The following SSH2 variants were observed in gnomAD, a reference collection of about 807,000 sequenced individuals.
The protein encoded by SSH2 is protein phosphatase Slingshot homolog 2.
In SSH2, 37 loss-of-function variants were observed where a neutral mutation model predicts 135.2. The observed-to-expected ratio is 0.27, with a 90% CI of 0.21 to 0.36. The LOEUF is 0.36. Ranked by LOEUF, SSH2 falls within the 10% of genes least tolerant of loss-of-function variation. SSH2 has a pLI of 1.00. For missense variants in SSH2, 1,408 were observed against 1,765.3 expected (o/e 0.80, Z 3.63); for synonymous variants, 628 against 646.2 (o/e 0.97, Z 0.43).
intron 6 of SSH2, among the ~76,000 whole-genome samples, chr17:29,678,514 C>T (rs922632973): frequency 6.6e-6 from 1 of 151,958 alleles, no homozygotes; most frequent in African/African-American, 2.4e-5. Flanking sequence ...GTCTAAAAGG[C>T]AAAGGGAATT....
rs375395373 is a variant in SSH2 at position 29,848,208 on chromosome 17, A to C, written c.144+641T>G. 3.9e-4 allele frequency among the ~76,000 whole-genome samples: 60 copies of C among 152,310 alleles called. 1 individual carries two copies. The highest frequency in any genetic ancestry group is 1.4e-3 in the African/African-American group (59 of 41,572). On this transcript the variant is annotated intron_variant, in intron 2 of 15. Coordinates refer to ENST00000540801, the MANE Select transcript of SSH2 (RefSeq NM_001282129.2). ...GATATACTGAGAATTTCCACTGCTCATTGCAACACACAAAAATAAGTCAAT... is the reference window on the plus strand; with the variant it reads ...GATATACTGAGAATTTCCACTGCTCCTTGCAACACACAAAAATAAGTCAAT...
intron 2 of SSH2, among the ~76,000 whole-genome samples, chr17:29,848,396 G>C (rs2065484430): frequency 6.6e-6 from 1 of 152,068 alleles, no homozygotes; most frequent in African/African-American, 2.4e-5. Context: ...ACACTATTTG[G>C]CTTAACATTA....
intron 2 of SSH2, among the ~76,000 whole-genome samples, chr17:29,797,844 C>A (rs1043171185): frequency 2.0e-5 from 3 of 152,082 alleles, no homozygotes; most frequent in Admixed American, 2.0e-4. Context: ...GCTATGATCA[C>A]GCCACTGCAT....
At chr17:29,928,468 A>G in intron 1 of SSH2, 1 of 398,502 alleles carries the variant, frequency 2.5e-6, no homozygotes, top group East Asian at 3.6e-5. Context: ...CTTTGCTTGA[A>G]TATTTCCAGC....
chr17:29,872,751 C>G (rs1050357173), intron 1 of SSH2, among the ~76,000 whole-genome samples: 1 of 152,138 alleles, frequency 6.6e-6, no homozygotes, highest in Non-Finnish European at 1.5e-5. Context: ...AATTCCAGCA[C>G]TTTGGGAGGC....
chr17:29,783,354 T>A (rs905834024), intron 3 of SSH2, among the ~76,000 whole-genome samples: 2 of 148,840 alleles, frequency 1.3e-5, no homozygotes, highest in Non-Finnish European at 3.0e-5. Context: ...GAGAATTTTT[T>A]AAGTATTAAC....
intron 5 of SSH2, among the ~76,000 whole-genome samples, chr17:29,689,333 A>C (rs1455041221): frequency 6.6e-6 from 1 of 152,260 alleles, no homozygotes; most frequent in African/African-American, 2.4e-5. Context: ...ACAATCAAAT[A>C]AATTTAAAAT....
intron 2 of SSH2, among the ~76,000 whole-genome samples, chr17:29,814,771 T>C (rs1000244478): frequency 3.3e-5 from 5 of 151,956 alleles, no homozygotes; most frequent in Non-Finnish European, 7.4e-5. Flanking sequence ...GAGCAGAAAA[T>C]AATAATTACT....
intron 3 of SSH2, among the ~76,000 whole-genome samples, chr17:29,721,925 T>C (rs1034641018): frequency 5.3e-5 from 8 of 152,172 alleles, no homozygotes; most frequent in African/African-American, 1.7e-4. Flanking sequence ...TATAGACATG[T>C]CTTTTTTCTA....
At chr17:29,651,546 CA>C (rs1314498096) in intron 12 of SSH2, among the ~76,000 whole-genome samples, 1 of 152,122 alleles carries the variant, frequency 6.6e-6, no homozygotes, top group Non-Finnish European at 1.5e-5. Context: ...CTCCATTTAC[CA>C]AATATTATCT....
intron 3 of SSH2, among the ~76,000 whole-genome samples, chr17:29,751,735 C>T (rs1238315025): frequency 6.6e-6 from 1 of 152,068 alleles, no homozygotes; most frequent in African/African-American, 2.4e-5. Context: ...TTATGTGGTG[C>T]ATAACTGCAC....
intron 2 of SSH2, among the ~76,000 whole-genome samples, chr17:29,832,201 T>C (rs2042859004): frequency 1.3e-5 from 2 of 152,210 alleles, no homozygotes; most frequent in South Asian, 4.1e-4. Context: ...GAGGGTGCAG[T>C]GGTGCTATCA....
chr17:29,900,284 G>A (rs1352106596), intron 1 of SSH2, among the ~76,000 whole-genome samples: 1 of 152,112 alleles, frequency 6.6e-6, no homozygotes, highest in Non-Finnish European at 1.5e-5. Context: ...AGACAAATGG[G>A]ATCTAATTAA....
chr17:29,675,818 G>A (rs1294629303), intron 8 of SSH2: 1 of 151,748 alleles, frequency 6.6e-6, no homozygotes, highest in Non-Finnish European at 1.5e-5. Flanking sequence ...GAGAGAGAGA[G>A]AGAGATATGA....
At chr17:29,751,936 A>G (rs1410664389) in intron 3 of SSH2, among the ~76,000 whole-genome samples, 1 of 152,176 alleles carries the variant, frequency 6.6e-6, no homozygotes, top group Non-Finnish European at 1.5e-5. Flanking sequence ...ACGTCATGGG[A>G]AAGTGGAGCT....
At chr17:29,907,444 C>T in intron 1 of SSH2, among the ~76,000 whole-genome samples, 1 of 152,188 alleles carries the variant, frequency 6.6e-6, no homozygotes, top group Non-Finnish European at 1.5e-5. Flanking sequence ...TGTGGCAAAC[C>T]ATCATGGTAC....
intron 1 of SSH2, among the ~76,000 whole-genome samples, chr17:29,899,713 T>C (rs1411911146): frequency 6.6e-6 from 1 of 152,168 alleles, no homozygotes; most frequent in Non-Finnish European, 1.5e-5. Flanking sequence ...CCCAAGGTAA[T>C]TTATAGATTT....
chr17:29,840,145 G>A (rs897759910), intron 2 of SSH2, among the ~76,000 whole-genome samples: 3 of 152,098 alleles, frequency 2.0e-5, no homozygotes, highest in African/African-American at 7.2e-5. Context: ...ACCAAAATAA[G>A]AGGAAAATAT....
At chr17:29,713,067 G>A (rs2039497007) in intron 3 of SSH2, among the ~76,000 whole-genome samples, 1 of 152,226 alleles carries the variant, frequency 6.6e-6, no homozygotes, top group South Asian at 2.1e-4. Context: ...TGGGCATGGT[G>A]GCTCACGCCT....
Sources: gnomAD v4.1 joint callset for allele counts (sites outside exome capture counted in the v4.1 genomes callset) on GRCh38, gnomAD v4.1.1 for gene constraint, MANE v1.5 for transcripts, NCBI Gene and HGNC (gene_info 2026-07-23, HGNC 2026-07-21) for gene names.